The following ROR1 variants were observed in gnomAD, a reference collection of about 807,000 sequenced individuals.
The protein encoded by ROR1 is inactive tyrosine-protein kinase transmembrane receptor ROR1.
In ROR1, 19 loss-of-function variants were observed where a neutral mutation model predicts 78.8. The ratio of observed to expected loss-of-function variants is 0.24; its 90% CI spans 0.17 to 0.35. ROR1 has a LOEUF of 0.35. ROR1 is among the 10% of genes least tolerant of loss of function. The pLI is 1.00. For synonymous variants in ROR1, 386 were observed against 433.6 expected (o/e 0.89, Z 1.36); for missense variants, 917 against 1,177.8 (o/e 0.78, Z 3.24).
In ROR1 at chr1:63,774,509, G is replaced by T. The variant is rs1644600141; in HGVS notation, c.91+1G>T. ...GCCGCACGCGGGGCTGCTGCCCAAG[G>T]TAAGAGGCGCCCGCCGGCCCCCGCC... On this transcript the variant is annotated splice_donor_variant, in intron 1 of 8. Transcript: ENST00000371079. LOFTEE classifies it high-confidence loss of function. The surrounding 1 kb of genome is among the most constrained non-coding windows in gnomAD (Gnocchi z 5.7). 1.8e-6 allele frequency: 2 copies of T among 1,125,312 alleles called. No individual in the cohort carries two copies. Among genetic ancestry groups the T allele is most frequent in the Non-Finnish European group, 2.2e-6 (2 of 922,688 alleles). 69.7% of individuals were successfully genotyped at this position (1,125,312 alleles called of 1,614,324 possible).
chr1:64,104,496 T>A lies in ROR1; in HGVS notation c.483-32873T>A, dbSNP rs576480562. Among the ~76,000 whole-genome samples, 304 of 150,374 alleles carry A rather than the reference T, an allele frequency of 2.0e-3. 1 individual carries two copies. Among genetic ancestry groups the A allele is most frequent in the African/African-American group, 7.0e-3 (284 of 40,750 alleles). The stretch of plus-strand genomic sequence containing the variant: ...TGGGTAATAAATTCTTTTTTTTTTT[T>A]ATTTTACTTTAAGTTCCGGGATACA... On this transcript the variant is annotated intron_variant, in intron 4 of 8. Coordinates refer to ENST00000371079, the MANE Select transcript of ROR1 (RefSeq NM_005012.4).
chr1:63,792,122 T>C (rs142411314), intron 1 of ROR1, among the ~76,000 whole-genome samples: 1 of 152,188 alleles, frequency 6.6e-6, no homozygotes, highest in Admixed American at 6.5e-5. Flanking sequence ...GGCAGGCCTC[T>C]AGGTTTAGGG....
chr1:63,796,596 G>A (rs1456034028), intron 1 of ROR1, among the ~76,000 whole-genome samples: 4 of 152,136 alleles, frequency 2.6e-5, no homozygotes, highest in Admixed American at 2.6e-4. Flanking sequence ...CATAAAATGG[G>A]TGTATCATCT....
chr1:63,932,164 G>A (rs1286570696), intron 1 of ROR1, among the ~76,000 whole-genome samples: 1 of 152,176 alleles, frequency 6.6e-6, no homozygotes, highest in Non-Finnish European at 1.5e-5. Context: ...TTACTGGCCT[G>A]TAGCAAGATG....
chr1:63,774,461 C>A lies in ROR1; in HGVS notation c.44C>A (p.Ala15Glu). 2 of 1,168,872 alleles carry A rather than the reference C, an allele frequency of 1.7e-6. No homozygotes were observed. Among genetic ancestry groups the A allele is most frequent in the African/African-American group, 1.6e-5 (1 of 61,576 alleles). The allele number at this position is 1,168,872 out of a possible 1,614,324, so 72.4% of individuals were successfully genotyped here. A position where few individuals can be genotyped will look rare whatever the true frequency, so the allele number is the denominator to read the frequency against. ...CGCGGGACGCGCCCGCCGCTCCTGG[C>A]GCTGCTGGCCGCGCTGCTGCTGGCC... ...RRRGTRPPLL[A>E]LLAALLLAAR... The change falls in exon 1 of 9, where the codon GCG (alanine) becomes GAG (glutamate). Residue 15 changes from alanine (A) to glutamate (E), a missense_variant. This residue lies in a region of ROR1 where 63 missense variants were observed against 57.0 expected (regional missense o/e 1.10). Coordinates refer to ENST00000371079, the MANE Select transcript of ROR1 (RefSeq NM_005012.4). The surrounding 1 kb of genome is among the most constrained non-coding windows in gnomAD (Gnocchi z 5.7).
intron 1 of ROR1, among the ~76,000 whole-genome samples, chr1:63,965,447 C>T (rs1235831269): frequency 6.6e-6 from 1 of 152,146 alleles, no homozygotes; most frequent in Non-Finnish European, 1.5e-5. Context: ...TTTAACATCT[C>T]CCCAGACATT....
chr1:64,159,249 T>C, intron 8 of ROR1, 57 bp downstream of exon 8: 2 of 1,285,454 alleles, frequency 1.6e-6, no homozygotes, highest in South Asian at 1.2e-5. Context: ...TAAAGCACCA[T>C]GTTATAACCC....
intron 1 of ROR1, among the ~76,000 whole-genome samples, chr1:63,910,903 T>G (rs1645564888): frequency 6.6e-6 from 1 of 152,214 alleles, no homozygotes; most frequent in African/African-American, 2.4e-5. Flanking sequence ...ACATCCCTTC[T>G]CACCAGCCCT....
At chr1:63,862,391 CA>C (rs1164915396) in intron 1 of ROR1, among the ~76,000 whole-genome samples, 3,892 of 56,788 alleles carry the variant, frequency 0.069, 22 homozygotes, top group Non-Finnish European at 0.092. Context: ...GAGACTGTCT[CA>C]AAAAAAAAAA....
intron 4 of ROR1, among the ~76,000 whole-genome samples, chr1:64,088,048 TG>T (rs1647167477): frequency 1.3e-5 from 2 of 152,328 alleles, no homozygotes; most frequent in African/African-American, 4.8e-5. Context: ...TTCTGCCAGT[TG>T]TGGTTTTGAG....
chr1:63,792,410 G>A (rs1260342355), intron 1 of ROR1, among the ~76,000 whole-genome samples: 1 of 152,114 alleles, frequency 6.6e-6, no homozygotes, highest in African/African-American at 2.4e-5. Context: ...AACAAACCAA[G>A]CATCCAGATA....
At chr1:64,084,570 ATTTCTCATTAGTC>A (rs1647134527) in intron 4 of ROR1, among the ~76,000 whole-genome samples, 1 of 152,224 alleles carries the variant, frequency 6.6e-6, no homozygotes, top group African/African-American at 2.4e-5. Context: ...AATCCATGGC[ATTTCTCATTAGTC>A]TTAGCCAGAA....
chr1:63,982,762 C>T (rs368323831), intron 1 of ROR1, among the ~76,000 whole-genome samples: 7 of 151,956 alleles, frequency 4.6e-5, no homozygotes, highest in East Asian at 1.9e-4. Context: ...CTAAAGGGAG[C>T]GGTAATAATA....
In ROR1 at chr1:64,085,820, C is replaced by G. The variant is rs552859054; in HGVS notation, c.482+35104C>G. ...AGGGCAATAATAAAAACCATGTGCT[C>G]AGCAGCCTGCTTGGCCATATAAAAC... On this transcript the variant is annotated intron_variant, in intron 4 of 8. Transcript: ENST00000371079. 3.3e-5 allele frequency among the ~76,000 whole-genome samples: 5 copies of G among 152,046 alleles called. No homozygotes were observed. In the South Asian group the frequency reaches 1.0e-3, roughly 32 times the overall value.
At chr1:64,069,281 G>C (rs1337701319) in intron 4 of ROR1, among the ~76,000 whole-genome samples, 2 of 151,988 alleles carry the variant, frequency 1.3e-5, no homozygotes, top group African/African-American at 2.4e-5. Context: ...TTTTTGTGAT[G>C]ATCCATTATG....
intron 1 of ROR1, among the ~76,000 whole-genome samples, chr1:63,949,163 G>A (rs1269341711): frequency 2.0e-5 from 3 of 152,142 alleles, no homozygotes; most frequent in African/African-American, 7.2e-5. Flanking sequence ...GTGAGTGCTT[G>A]CACAGAAAGG....
At chr1:63,963,763 C>T (rs1386156245) in intron 1 of ROR1, among the ~76,000 whole-genome samples, 1 of 152,044 alleles carries the variant, frequency 6.6e-6, no homozygotes, top group Non-Finnish European at 1.5e-5. Context: ...TCTGGAACCC[C>T]AAGAAAGACT....
At chr1:63,853,180 C>T (rs1645124956) in intron 1 of ROR1, among the ~76,000 whole-genome samples, 1 of 152,152 alleles carries the variant, frequency 6.6e-6, no homozygotes, top group South Asian at 2.1e-4. Flanking sequence ...ATCATAGTCA[C>T]CAACTGTGGC....
chr1:64,031,057 A>G lies in ROR1; in HGVS notation c.164-18634A>G, dbSNP rs377479320. 1.6e-4 allele frequency among the ~76,000 whole-genome samples: 24 copies of G among 152,286 alleles called. 1 individual carries two copies. Among genetic ancestry groups the G allele is most frequent in the African/African-American group, 4.6e-4 (19 of 41,554 alleles). ...ATGCCTGCCTAATTTTTGTAGAGAC[A>G]GAGTTTTGCCATGTTTCCCAGGCTG... is the stretch of plus-strand genomic sequence containing the variant. On this transcript the variant is annotated intron_variant, in intron 2 of 8. Coordinates refer to ENST00000371079, the MANE Select transcript of ROR1 (RefSeq NM_005012.4).
Sources: allele counts gnomAD v4.1 joint callset (sites outside exome capture counted in the v4.1 genomes callset), GRCh38; gene constraint gnomAD v4.1.1; regional missense constraint gnomAD v4.1.1; non-coding constraint Gnocchi (gnomAD v3.1); transcripts MANE v1.5; gene names NCBI Gene and HGNC (gene_info 2026-07-23, HGNC 2026-07-21).